ZNF831: variants seen among roughly 807,000 people sequenced by gnomAD.
The protein encoded by ZNF831 is zinc finger protein 831, also known as chromosome 20 open reading frame 174.
ZNF831 carries 59 observed loss-of-function variants against 95.8 expected under a neutral mutation model. The observed-to-expected ratio is 0.62, with a 90% CI of 0.50 to 0.77. ZNF831 has a LOEUF of 0.77. ZNF831 is among the 30% of genes least tolerant of loss of function. The pLI, the probability that ZNF831 is intolerant of heterozygous loss-of-function variation, is 0.00. For missense variants in ZNF831, 2,205 were observed against 2,164.0 expected, an observed-to-expected ratio of 1.02 and a Z score of -0.38; for synonymous variants, 961 against 925.5, an observed-to-expected ratio of 1.04 and a Z score of -0.70.
At chr20:59,188,654 C>G (rs772745714) in intron 1 of ZNF831, among the ~76,000 whole-genome samples, 6 of 137,858 alleles carry the variant, frequency 4.4e-5, no homozygotes, top group Admixed American at 7.4e-5. Context: ...GAGACTCCAT[C>G]TCAATAAATA....
intron 4 of ZNF831, among the ~76,000 whole-genome samples, chr20:59,251,400 C>T (rs367707939): frequency 4.6e-5 from 7 of 152,186 alleles, no homozygotes; most frequent in African/African-American, 9.7e-5. Context: ...ACAACTGGAA[C>T]GCAATAGAGC....
chr20:59,198,142 G>A (rs1191666576), intron 3 of ZNF831, among the ~76,000 whole-genome samples: 4 of 152,100 alleles, frequency 2.6e-5, no homozygotes, highest in South Asian at 2.1e-4. Context: ...CTTAATCCAG[G>A]GTGAGGGTCC....
chr20:59,243,882 A>G (rs1269204366), intron 4 of ZNF831, among the ~76,000 whole-genome samples: 1 of 152,254 alleles, frequency 6.6e-6, no homozygotes, highest in Non-Finnish European at 1.5e-5. Context: ...TTAATGATCC[A>G]TAAAGTAGAT....
chr20:59,186,190 C>T (rs1180264964), intron 1 of ZNF831, among the ~76,000 whole-genome samples: 1 of 152,176 alleles, frequency 6.6e-6, no homozygotes, highest in Non-Finnish European at 1.5e-5. Flanking sequence ...ATTTTGTAGC[C>T]TCCTTCACCC....
At chr20:59,253,269 A>T (rs533978436) in intron 5 of ZNF831, 131 bp downstream of exon 5, 1 of 991,028 alleles carries the variant, frequency 1.0e-6, no homozygotes, top group East Asian at 2.4e-5. Context: ...TGGCACAGAA[A>T]GCCCATTAAG....
At chr20:59,231,412 C>A (rs1443049179) in intron 4 of ZNF831, among the ~76,000 whole-genome samples, 2 of 152,202 alleles carry the variant, frequency 1.3e-5, no homozygotes, top group Non-Finnish European at 2.9e-5. Flanking sequence ...CCAGGCACCA[C>A]TTTCAGGCTA....
intron 4 of ZNF831, among the ~76,000 whole-genome samples, chr20:59,242,283 G>T (rs149143820): frequency 2.2e-4 from 34 of 152,268 alleles, no homozygotes; most frequent in South Asian, 6.2e-4. Context: ...GGAAAAATGA[G>T]CTCTCTCCAA....
chr20:59,196,030 AT>A, intron 3 of ZNF831, 25 bp downstream of exon 3: 1 of 1,609,782 alleles, frequency 6.2e-7, no homozygotes, highest in Non-Finnish European at 8.5e-7. Flanking sequence ...CACCTCTGTC[AT>A]TTCCACAAAA....
At chr20:59,147,755 A>G (rs1331558549) in intron 2 of ZNF831, among the ~76,000 whole-genome samples, 1 of 152,254 alleles carries the variant, frequency 6.6e-6, no homozygotes, top group Non-Finnish European at 1.5e-5. Flanking sequence ...AGAACTAATG[A>G]TATGACTGGG....
chr20:59,254,527 C>T lies in ZNF831; in HGVS notation c.4818C>T (p.Pro1606=), dbSNP rs2146771355. Reference sequence around the variant, plus strand: ...GTGGGGAAATGACTGTCCCCTGCCCCTCTTTAGGAAGTGACGGTAGGAAAC... The same window carrying T: ...GTGGGGAAATGACTGTCCCCTGCCCTTCTTTAGGAAGTGACGGTAGGAAAC... ...YGCGEMTVPC[P]SLGSDGRKRQ... is the part of the protein sequence containing the mutation. Residue 1606 remains proline (P), a synonymous_variant, in exon 6 of 6, where the codon CCC becomes CCT. Coordinates refer to ENST00000371030, the MANE Select transcript of ZNF831 (RefSeq NM_178457.3). The surrounding 1 kb of genome is among the most constrained non-coding windows in gnomAD (Gnocchi z 4.5). The T allele has an allele frequency of 6.2e-7, 1 of 1,614,114 alleles. No homozygotes were observed. Among genetic ancestry groups the T allele is most frequent in the Non-Finnish European group, 8.5e-7 (1 of 1,180,030 alleles).
At chr20:59,162,751 G>C (rs1011733431), upstream of ZNF831, among the ~76,000 whole-genome samples, 3 of 152,060 alleles carry the variant, frequency 2.0e-5, no homozygotes, top group African/African-American at 7.2e-5. Context: ...TGTTATTTTT[G>C]CTTAGGATTG....
chr20:59,201,664 G>T (rs141166835), intron 3 of ZNF831, among the ~76,000 whole-genome samples: 1 of 152,040 alleles, frequency 6.6e-6, no homozygotes, highest in African/African-American at 2.4e-5. Context: ...TGTATGGATC[G>T]AAGTTCTTAT....
At position 59,193,399 on chromosome 20, in the gene ZNF831, G is replaced by T. The variant is rs765586657; in HGVS notation, c.2380G>T (p.Asp794Tyr). ...GGAAGGAGGTGCCCGAGGTGTGGGG[G>T]ATGTTCAGGAGACCTGCCTGTGGGC... is the stretch of plus-strand genomic sequence containing the variant. ...KLEGGARGVG[D>Y]VQETCLWAQT... is the part of the protein sequence containing the mutation. The change falls in exon 2 of 6, where the codon GAT (aspartate) becomes TAT (tyrosine). Residue 794 changes from aspartate to tyrosine, a missense_variant. Coordinates refer to ENST00000371030, the MANE Select transcript of ZNF831 (RefSeq NM_178457.3). The T allele has an allele frequency of 3.7e-6, 6 of 1,601,342 alleles. No homozygotes were observed. In the South Asian group the frequency reaches 6.8e-5, roughly 18 times the overall value.
chr20:59,223,910 G>T (rs1011325481), intron 4 of ZNF831, among the ~76,000 whole-genome samples: 6 of 152,216 alleles, frequency 3.9e-5, no homozygotes, highest in East Asian at 3.9e-4. Context: ...TACTTCAAAG[G>T]CTGCCAGGAG....
chr20:59,139,515 C>T (rs1979610066), intron 1 of ZNF831, among the ~76,000 whole-genome samples: 1 of 152,102 alleles, frequency 6.6e-6, no homozygotes, highest in South Asian at 2.1e-4. Context: ...AGGTGAATTA[C>T]CTGTGCAGGT....
chr20:59,153,486 G>C (rs1224272975), intron 2 of ZNF831, among the ~76,000 whole-genome samples: 1 of 152,252 alleles, frequency 6.6e-6, no homozygotes, highest in African/African-American at 2.4e-5. Context: ...TGAGTGCCAA[G>C]GCACACAGGG....
At position 59,257,797 on chromosome 20, in the gene ZNF831, G is replaced by A. The variant is rs530861311; in HGVS notation, c.*3054G>A. On this transcript the variant is annotated 3_prime_UTR_variant, in exon 6 of 6. Transcript: ENST00000371030. ...CAGTTTCTTCCACAGAGAATAGTTA[G>A]AGGGATGCTGTCATGAACTAAGGGA... 1 of 152,282 alleles carries A rather than the reference G, an allele frequency of 6.6e-6. No homozygotes were observed. Among genetic ancestry groups the A allele is most frequent in the South Asian group, 2.1e-4 (1 of 4,824 alleles). 9.4% of individuals were successfully genotyped at this position (152,282 alleles called of 1,614,324 possible).
chr20:59,184,201 C>T (rs1982834957), intron 1 of ZNF831, among the ~76,000 whole-genome samples: 1 of 152,176 alleles, frequency 6.6e-6, no homozygotes, highest in South Asian at 2.1e-4. Context: ...TGTGGCTTGC[C>T]AGCTTATTTG....
rs543228467 is a variant in ZNF831, at chr20:59,254,179, G to A, written c.4470G>A (p.Val1490=). The A allele has an allele frequency of 5.0e-6, 8 of 1,614,026 alleles. No individual in the cohort carries two copies. The highest frequency in any genetic ancestry group is 6.8e-6 in the Non-Finnish European group (8 of 1,180,006). The part of the protein sequence containing the change: ...TFPHHDIATS[V]AAVCISLPVR... ...CCCACCATGACATTGCTACCTCTGT[G>A]GCTGCCGTTTGTATTTCTCTGCCAG... Residue 1490 remains valine (V), a synonymous_variant, in exon 6 of 6, where the codon GTG becomes GTA. Transcript: ENST00000371030. The surrounding 1 kb of genome is among the most constrained non-coding windows in gnomAD (Gnocchi z 4.5).
Sources: gnomAD v4.1 joint callset for allele counts (sites outside exome capture counted in the v4.1 genomes callset) on GRCh38, gnomAD v4.1.1 for gene constraint, Gnocchi (gnomAD v3.1) non-coding constraint, MANE v1.5 for transcripts, NCBI Gene and HGNC (gene_info 2026-07-23, HGNC 2026-07-21) for gene names.